UNC13C: variants seen among roughly 807,000 people sequenced by gnomAD.
The protein encoded by UNC13C is unc-13 homolog C, also known as protein unc-13 homolog C.
A neutral mutation model predicts 245.4 loss-of-function variants in UNC13C; 174 were observed. That is an observed-to-expected ratio of 0.71 (90% CI 0.63 to 0.80). The LOEUF is 0.80. UNC13C is among the 30% of genes least tolerant of loss of function. UNC13C has a pLI of 0.00. For synonymous variants in UNC13C, 992 were observed against 895.1 expected, an observed-to-expected ratio of 1.11 and a Z score of -1.93; for missense variants, 2,829 against 2,602.9, an observed-to-expected ratio of 1.09 and a Z score of -1.89.
At chr15:54,351,145 T>C (rs1480108411) in intron 17 of UNC13C, among the ~76,000 whole-genome samples, 1 of 151,884 alleles carries the variant, frequency 6.6e-6, no homozygotes, top group Non-Finnish European at 1.5e-5. Context: ...ACATAATAAA[T>C]TGGAAACATA....
At chr15:54,304,610 A>G (rs1192072067) in intron 13 of UNC13C, among the ~76,000 whole-genome samples, 1 of 149,952 alleles carries the variant, frequency 6.7e-6, no homozygotes, top group Non-Finnish European at 1.5e-5. Flanking sequence ...ACTTTAGAAA[A>G]CTTACAATTG....
At chr15:54,552,652 AATTATATT>A (rs1566904996) in intron 28 of UNC13C, among the ~76,000 whole-genome samples, 1 of 80,648 alleles carries the variant, frequency 1.2e-5, no homozygotes, top group African/African-American at 6.5e-5. Context: ...ATAATTATAT[AATTATATT>A]ATATTGTACT....
At chr15:54,029,015 C>T (rs945054871) in intron 2 of UNC13C, among the ~76,000 whole-genome samples, 9 of 152,164 alleles carry the variant, frequency 5.9e-5, no homozygotes, top group Admixed American at 6.5e-5. Flanking sequence ...TGATTTTAAA[C>T]TATTTATGAG....
In UNC13C at chr15:54,022,621, TG is replaced by T. The variant is rs1895949369; in HGVS notation, c.2983+6738del. Reference sequence around the variant, plus strand: ...CTTATTTTCTTGCTATTGACTTGTTTGGGTTCCTTATGTATTTTGGACATTA... The same window carrying T: ...CTTATTTTCTTGCTATTGACTTGTTTGGTTCCTTATGTATTTTGGACATTA... On this transcript the variant is annotated intron_variant, in intron 2 of 32. Coordinates refer to ENST00000260323, the MANE Select transcript of UNC13C (RefSeq NM_001080534.3). Among the ~76,000 whole-genome samples, 3 of 152,372 alleles carry T rather than the reference TG, an allele frequency of 2.0e-5. No individual in the cohort carries two copies. The South Asian group carries it at 6.2e-4, about 32-fold the overall frequency.
At chr15:54,150,151 G>A (rs952210060) in intron 4 of UNC13C, among the ~76,000 whole-genome samples, 1 of 151,784 alleles carries the variant, frequency 6.6e-6, no homozygotes, top group East Asian at 1.9e-4. Flanking sequence ...TATTTTTTTG[G>A]TATCAGTTCT....
intron 4 of UNC13C, among the ~76,000 whole-genome samples, chr15:54,232,634 A>G (rs189472221): frequency 2.9e-4 from 44 of 152,284 alleles, no homozygotes; most frequent in Non-Finnish European, 3.4e-4. Context: ...CAGTTTCTCA[A>G]CCATCATCTG....
the UNC13C span, among the ~76,000 whole-genome samples, chr15:53,876,646 T>C: frequency 2.0e-5 from 3 of 152,038 alleles, no homozygotes; most frequent in African/African-American, 7.2e-5. Flanking sequence ...TTTTTACTAC[T>C]TTTTTTTGAA....
At chr15:53,879,456 C>T in the UNC13C span, among the ~76,000 whole-genome samples, 1 of 152,178 alleles carries the variant, frequency 6.6e-6, no homozygotes, top group South Asian at 2.1e-4. Context: ...AGCTACTATA[C>T]CCAGCCCTTT....
At chr15:53,985,773 T>A (rs180686129) in intron 1 of UNC13C, among the ~76,000 whole-genome samples, 2 of 152,206 alleles carry the variant, frequency 1.3e-5, no homozygotes, top group East Asian at 3.9e-4. Flanking sequence ...GTGGCGTTTG[T>A]CTTCCTCTTG....
the UNC13C span, among the ~76,000 whole-genome samples, chr15:53,947,126 T>C: frequency 3.3e-5 from 5 of 152,328 alleles, no homozygotes; most frequent in African/African-American, 9.6e-5. Flanking sequence ...TGATGACTTA[T>C]ATGTAACCAA....
At chr15:54,343,849 G>A (rs1191618336) in intron 17 of UNC13C, among the ~76,000 whole-genome samples, 3 of 152,162 alleles carry the variant, frequency 2.0e-5, no homozygotes, top group Non-Finnish European at 4.4e-5. Flanking sequence ...GAGTTAAGGG[G>A]AGGGGCTTAC....
chr15:54,493,894 G>C (rs917528441), intron 19 of UNC13C, among the ~76,000 whole-genome samples: 2 of 151,952 alleles, frequency 1.3e-5, no homozygotes, highest in Non-Finnish European at 2.9e-5. Flanking sequence ...TTTTGAGCAA[G>C]AGAGAAAAAA....
chr15:54,320,926 A>T (rs1457532471), intron 13 of UNC13C: 1 of 349,962 alleles, frequency 2.9e-6, no homozygotes, highest in East Asian at 7.5e-5. Context: ...CTACTTCCGA[A>T]ACTGCTTCCA....
chr15:54,269,463 A>G (rs1311896214), intron 10 of UNC13C, among the ~76,000 whole-genome samples: 1 of 152,052 alleles, frequency 6.6e-6, no homozygotes, highest in Non-Finnish European at 1.5e-5. Flanking sequence ...AGAAATATTG[A>G]TCCAGTTGTA....
chr15:53,888,110 G>C, the UNC13C span, among the ~76,000 whole-genome samples: 1 of 152,116 alleles, frequency 6.6e-6, no homozygotes, highest in Non-Finnish European at 1.5e-5. Context: ...CTAGTTCTAG[G>C]TCCTTGAGGA....
intron 2 of UNC13C, among the ~76,000 whole-genome samples, chr15:54,136,785 C>G (rs1463046852): frequency 3.3e-5 from 5 of 151,904 alleles, no homozygotes; most frequent in Non-Finnish European, 5.9e-5. Flanking sequence ...AGAGCTTTTT[C>G]TGCATCTATT....
chr15:54,023,287 C>A (rs897083983), intron 2 of UNC13C, among the ~76,000 whole-genome samples: 4 of 152,194 alleles, frequency 2.6e-5, no homozygotes, highest in African/African-American at 7.2e-5. Flanking sequence ...AAAGTCGATG[C>A]TCTTTCCCTG....
chr15:54,447,941 T>A lies in UNC13C; in HGVS notation c.4933+32874T>A, dbSNP rs574120349. On this transcript the variant is annotated intron_variant, in intron 19 of 32. Transcript: ENST00000260323. ...TATAAATTTCCCTCTACACACTGCT[T>A]TATATGTGTCCCAGAGATTCTGGTA... Among the ~76,000 whole-genome samples, 185 of 152,324 alleles carry A rather than the reference T, an allele frequency of 1.2e-3. 1 individual carries two copies. Among genetic ancestry groups the A allele is most frequent in the African/African-American group, 4.2e-3 (173 of 41,576 alleles).
chr15:54,224,821 A>G (rs2035328718), intron 4 of UNC13C, among the ~76,000 whole-genome samples: 1 of 152,020 alleles, frequency 6.6e-6, no homozygotes, highest in Non-Finnish European at 1.5e-5. Flanking sequence ...CTTCAATCTC[A>G]CTACTTGTTA....
Sources: allele counts gnomAD v4.1 joint callset (sites outside exome capture counted in the v4.1 genomes callset), GRCh38; gene constraint gnomAD v4.1.1; transcripts MANE v1.5; gene names NCBI Gene and HGNC (gene_info 2026-07-23, HGNC 2026-07-21).